Variants in HECW1 observed in about 807,000 individuals in gnomAD.
HECW1 encodes E3 ubiquitin-protein ligase HECW1.
Under a neutral mutation model 182.3 loss-of-function variants are expected in HECW1, and 61 were observed. The ratio of observed to expected loss-of-function variants is 0.33; its 90% confidence interval spans 0.27 to 0.41. HECW1 has a LOEUF of 0.41. Among genes scored for constraint, HECW1 ranks in the 10% least tolerant of loss-of-function variants. The probability of loss-of-function intolerance (pLI) is 1.00; values close to 1 mark genes in which losing one functional copy is unlikely to be tolerated. For missense variants in HECW1, 1,739 were observed against 2,108.9 expected (o/e 0.82, Z 3.44); for synonymous variants, 859 against 832.6 (o/e 1.03, Z -0.55).
At chr7:43,376,438 T>C (rs1324917353) in intron 6 of HECW1, among the ~76,000 whole-genome samples, 2 of 152,174 alleles carry the variant, frequency 1.3e-5, no homozygotes, top group Non-Finnish European at 2.9e-5. Flanking sequence ...CTCCAGGCCA[T>C]TGGACACCAT....
intron 5 of HECW1, among the ~76,000 whole-genome samples, chr7:43,336,707 C>A (rs1812333084): frequency 6.6e-6 from 1 of 152,188 alleles, no homozygotes; most frequent in Non-Finnish European, 1.5e-5. Flanking sequence ...CTCTCCCAAT[C>A]TCCCCACTTT....
At chr7:43,540,304 T>C (rs372728589) in intron 24 of HECW1, among the ~76,000 whole-genome samples, 1 of 151,756 alleles carries the variant, frequency 6.6e-6, no homozygotes, top group African/African-American at 2.4e-5. Context: ...CTACTTAGAG[T>C]GGACACCAGG....
At chr7:43,171,642 C>T (rs979138191) in intron 2 of HECW1, among the ~76,000 whole-genome samples, 6 of 152,152 alleles carry the variant, frequency 3.9e-5, no homozygotes, top group African/African-American at 1.4e-4. Context: ...GCGTTTAGCT[C>T]ATATCCTAGA....
chr7:43,259,220 C>T (rs151220231), intron 3 of HECW1, among the ~76,000 whole-genome samples: 101 of 152,256 alleles, frequency 6.6e-4, no homozygotes, highest in Middle Eastern at 6.8e-3. Flanking sequence ...AACCCTGTCT[C>T]TACTAAAAAT....
intron 24 of HECW1, among the ~76,000 whole-genome samples, chr7:43,527,890 C>G (rs1310556394): frequency 6.6e-6 from 1 of 152,216 alleles, no homozygotes; most frequent in Non-Finnish European, 1.5e-5. Flanking sequence ...AAAATTTCAA[C>G]TGTTTGCCTG....
chr7:43,562,398 AT>A lies in HECW1; in HGVS notation c.*473del. Reference sequence around the variant, plus strand: ...TAACCAACTCCAGAACTAGGAGCTGATCAACTCTTTGTTTTCCTCTCCATCT... The same window carrying A: ...TAACCAACTCCAGAACTAGGAGCTGACAACTCTTTGTTTTCCTCTCCATCT... On this transcript the variant is annotated 3_prime_UTR_variant, in exon 30 of 30. Coordinates refer to ENST00000395891, the MANE Select transcript of HECW1 (RefSeq NM_015052.5). 4.4e-6 allele frequency: 1 copy of A among 229,528 alleles called. No homozygotes were observed. Among genetic ancestry groups the A allele is most frequent in the East Asian group, 6.2e-5 (1 of 16,020 alleles). The allele number at this position is 229,528 out of a possible 1,614,324, so 14.2% of individuals were successfully genotyped here. A position where few individuals can be genotyped will look rare whatever the true frequency, so the allele number is the denominator to read the frequency against.
chr7:43,386,241 T>G (rs1049478746), intron 6 of HECW1, among the ~76,000 whole-genome samples: 1 of 152,226 alleles, frequency 6.6e-6, no homozygotes, highest in African/African-American at 2.4e-5. Flanking sequence ...ATAATGTCCC[T>G]TTGTTAAAGT....
chr7:43,354,360 T>C (rs1308490945), intron 5 of HECW1, among the ~76,000 whole-genome samples: 1 of 152,118 alleles, frequency 6.6e-6, no homozygotes, highest in Non-Finnish European at 1.5e-5. Flanking sequence ...ACGTGTACTC[T>C]CTAACAACTG....
At chr7:43,148,121 A>G (rs767144974) in intron 2 of HECW1, among the ~76,000 whole-genome samples, 1 of 152,126 alleles carries the variant, frequency 6.6e-6, no homozygotes, top group Non-Finnish European at 1.5e-5. Flanking sequence ...TGAATTCAAC[A>G]TCTGTGAAGG....
At chr7:43,519,710 C>T (rs1023206576) in intron 24 of HECW1, among the ~76,000 whole-genome samples, 5 of 151,968 alleles carry the variant, frequency 3.3e-5, no homozygotes, top group African/African-American at 1.2e-4. Context: ...TCATATGAGG[C>T]ATAAAAAAGA....
In HECW1 at chr7:43,176,224, TA is replaced by T. The variant is rs139642318; in HGVS notation, c.-32+61837del. 9.7e-3 allele frequency among the ~76,000 whole-genome samples: 1,483 copies of T among 152,320 alleles called. 14 individuals carry two copies. Among genetic ancestry groups the T allele is most frequent in the African/African-American group, 0.032 (1,314 of 41,570 alleles). On this transcript the variant is annotated intron_variant, in intron 2 of 29. Coordinates refer to ENST00000395891, the MANE Select transcript of HECW1 (RefSeq NM_015052.5). ...TGTAGAGGACTTTGTGGCTGAACTG[TA>T]AAAGAAACTCTCAATGTCTCCTTTT...
chr7:43,491,349 T>C (rs1356866121), intron 17 of HECW1, among the ~76,000 whole-genome samples: 1 of 152,156 alleles, frequency 6.6e-6, no homozygotes, highest in Non-Finnish European at 1.5e-5. Context: ...ATATATAAGA[T>C]GCTATGTGAA....
intron 2 of HECW1, among the ~76,000 whole-genome samples, chr7:43,209,422 G>A (rs1011349311): frequency 7.2e-5 from 11 of 152,068 alleles, no homozygotes; most frequent in Non-Finnish European, 7.4e-5. Flanking sequence ...CTCTGGATCC[G>A]GTTCTCTGCC....
intron 5 of HECW1, among the ~76,000 whole-genome samples, chr7:43,321,989 G>A (rs1447486834): frequency 1.3e-5 from 2 of 152,228 alleles, no homozygotes; most frequent in South Asian, 2.1e-4. Flanking sequence ...CTATCAGGGT[G>A]TAGAGGGAAC....
intron 2 of HECW1, chr7:43,147,561 AT>A (rs1435755720): frequency 2.0e-5 from 3 of 152,240 alleles, no homozygotes; most frequent in Non-Finnish European, 4.4e-5. Flanking sequence ...GCTTACATCT[AT>A]TTGTGGACTT....
intron 21 of HECW1, among the ~76,000 whole-genome samples, chr7:43,501,970 T>C (rs778572558): frequency 6.6e-5 from 10 of 152,254 alleles, no homozygotes; most frequent in Non-Finnish European, 1.3e-4. Flanking sequence ...TGTTCTATGC[T>C]AGCTTTCACA....
chr7:43,516,539 C>T (rs917128563), intron 24 of HECW1, among the ~76,000 whole-genome samples: 1 of 152,136 alleles, frequency 6.6e-6, no homozygotes, highest in African/African-American at 2.4e-5. Flanking sequence ...TTCTTTTTGT[C>T]CCAATCATTC....
At chr7:43,482,976 A>G (rs1035656963) in intron 17 of HECW1, among the ~76,000 whole-genome samples, 2 of 152,204 alleles carry the variant, frequency 1.3e-5, no homozygotes, top group Admixed American at 1.3e-4. Context: ...GAATAGGTAC[A>G]AAGGATGGGG....
intron 3 of HECW1, among the ~76,000 whole-genome samples, chr7:43,257,461 G>A (rs902907514): frequency 6.6e-6 from 1 of 152,146 alleles, no homozygotes; most frequent in Non-Finnish European, 1.5e-5. Context: ...GCTGATATTA[G>A]TAAGGCAGAT....
Sources: allele counts gnomAD v4.1 joint callset (sites outside exome capture counted in the v4.1 genomes callset), GRCh38; gene constraint gnomAD v4.1.1; transcripts MANE v1.5; gene names NCBI Gene and HGNC (gene_info 2026-07-23, HGNC 2026-07-21).